RYK: variants seen among roughly 807,000 people sequenced by gnomAD.
RYK encodes the protein inactive tyrosine-protein kinase RYK.
A neutral mutation model predicts 70.2 loss-of-function variants in RYK; 21 were observed. The observed-to-expected ratio is 0.30, with a 90% CI of 0.21 to 0.43. The LOEUF (loss-of-function observed/expected upper bound fraction) is 0.43, where lower values mean the gene tolerates loss of function less well. Ranked by LOEUF, RYK falls within the 20% of genes least tolerant of loss-of-function variation. RYK has a pLI of 1.00. For synonymous variants in RYK, 267 were observed against 278.0 expected (o/e 0.96, Z 0.39); for missense variants, 604 against 753.3 (o/e 0.80, Z 2.32).
At chr3:134,241,746 G>A (rs973706299) in intron 1 of RYK, among the ~76,000 whole-genome samples, 1 of 152,178 alleles carries the variant, frequency 6.6e-6, no homozygotes, top group Non-Finnish European at 1.5e-5. Context: ...CACGCACTTT[G>A]GAGTCACATA....
chr3:134,232,883 T>C (rs2015098665), intron 1 of RYK, among the ~76,000 whole-genome samples: 1 of 152,246 alleles, frequency 6.6e-6, no homozygotes, highest in Non-Finnish European at 1.5e-5. Flanking sequence ...GAATTATAAC[T>C]TTCAGTGAGA....
intron 13 of RYK, 46 bp from the exon 14 acceptor site, chr3:134,159,419 G>T: frequency 6.5e-7 from 1 of 1,528,484 alleles, no homozygotes. Context: ...TAAAACAACA[G>T]TCAGGGGGCT....
intron 1 of RYK, among the ~76,000 whole-genome samples, chr3:134,238,559 G>C (rs928945077): frequency 6.6e-6 from 1 of 152,134 alleles, no homozygotes; most frequent in African/African-American, 2.4e-5. Context: ...GCTTCAAGAA[G>C]ACATGGAAGG....
rs559742048 is a variant in RYK, at chr3:134,175,025, C to T, written c.1575+584G>A. 1.4e-4 allele frequency among the ~76,000 whole-genome samples: 22 copies of T among 152,288 alleles called. No individual in the cohort carries two copies. The South Asian group carries it at 4.4e-3, about 30-fold the overall frequency. ...ACCTTTAAAACTGGGATACCACAGC[C>T]TATCTCCTAGTGTTAATAGTGCTTC... On this transcript the variant is annotated intron_variant, in intron 13 of 14. Transcript: ENST00000623711.
intron 6 of RYK, among the ~76,000 whole-genome samples, chr3:134,199,287 C>T (rs897883341): frequency 6.6e-6 from 1 of 152,258 alleles, no homozygotes; most frequent in Admixed American, 6.5e-5. Flanking sequence ...ACACTACCAT[C>T]CCTTTCTAAT....
At chr3:134,224,833 G>C (rs2014854843) in intron 1 of RYK, among the ~76,000 whole-genome samples, 1 of 152,114 alleles carries the variant, frequency 6.6e-6, no homozygotes, top group African/African-American at 2.4e-5. Flanking sequence ...TGTATGGCCT[G>C]GTTTTTTCTA....
chr3:134,217,873 AAAAT>A (rs1442582431), intron 2 of RYK, among the ~76,000 whole-genome samples: 1 of 152,222 alleles, frequency 6.6e-6, no homozygotes, highest in Admixed American at 6.5e-5. Context: ...ATTAATTTTT[AAAAT>A]AAATAAACGT....
chr3:134,217,397 T>A (rs2014589952), intron 2 of RYK, among the ~76,000 whole-genome samples: 1 of 152,234 alleles, frequency 6.6e-6, no homozygotes, highest in South Asian at 2.1e-4. Flanking sequence ...CCATTTCAGG[T>A]CATCTCTACC....
chr3:134,239,306 T>G (rs552487869), intron 1 of RYK, among the ~76,000 whole-genome samples: 1 of 151,792 alleles, frequency 6.6e-6, no homozygotes, highest in South Asian at 2.1e-4. Flanking sequence ...CAAAAAAAAA[T>G]TTTTATATTA....
rs1273942929 is a variant in RYK at position 134,207,486 on chromosome 3, G to C, written c.629C>G (p.Thr210Ser). The C allele has an allele frequency of 2.6e-6, 4 of 1,540,616 alleles. No individual in the cohort carries two copies. Among genetic ancestry groups the C allele is most frequent in the Admixed American group, 4.0e-5 (2 of 50,336 alleles). Residue 210 changes from threonine (T) to serine (S), a missense_variant, in exon 5 of 15, where the codon ACT becomes AGT. Coordinates refer to ENST00000623711, the MANE Select transcript of RYK (RefSeq NM_002958.4). The stretch of plus-strand genomic sequence containing the variant: ...GTAACACTTACAAATAGTTCTGCTA[G>C]TGTTTTTGTCCAAGGCTGAAGTTTT... ...EVKTSALDKN[T>S]SRTIYDPVHA...
rs376107654 is a variant in RYK, at chr3:134,182,493, C to G, written c.1172+509G>C. Among the ~76,000 whole-genome samples, 10 of 152,066 alleles carry G rather than the reference C, an allele frequency of 6.6e-5. No individual in the cohort carries two copies. In the South Asian group the frequency reaches 1.9e-3, roughly 29 times the overall value. On this transcript the variant is annotated intron_variant, in intron 10 of 14. Coordinates refer to ENST00000623711, the MANE Select transcript of RYK (RefSeq NM_002958.4). ...ATTTATTATAAAATAGTTATATACA[C>G]AAATATATAGATACCTGTATCTAGA...
chr3:134,177,847 A>G lies in RYK; in HGVS notation c.1305+94T>C, dbSNP rs75157965. The G allele has an allele frequency of 4.2e-3, 4,639 of 1,115,372 alleles. 141 individuals carry two copies. In the African/African-American group the frequency reaches 0.063, roughly 15 times the overall value. 69.1% of individuals were successfully genotyped at this position (1,115,372 alleles called of 1,614,324 possible). ...TTGAGGTTCTTTTTTGCAGGCCTCT[A>G]AACAGTTTATATTTAAGAATGTTAA... On this transcript the variant is annotated intron_variant, in intron 11 of 14. Transcript: ENST00000623711.
rs375386252 is a variant in RYK at position 134,222,556 on chromosome 3, A to C, written c.233-17T>G. On this transcript the variant is annotated splice_polypyrimidine_tract_variant and intron_variant, in intron 1 of 14. Coordinates refer to ENST00000623711, the MANE Select transcript of RYK (RefSeq NM_002958.4). ...CATCAAGACCTAGAAAAAAATAGGA[A>C]AAAAATAATTAAACACTTAAAATAT... The C allele has an allele frequency of 1.7e-5, 27 of 1,548,710 alleles. No individual in the cohort carries two copies. Among genetic ancestry groups the C allele is most frequent in the East Asian group, 1.4e-4 (6 of 42,826 alleles).
intron 13 of RYK, among the ~76,000 whole-genome samples, chr3:134,169,204 T>G (rs1377074911): frequency 6.6e-6 from 1 of 152,222 alleles, no homozygotes; most frequent in African/African-American, 2.4e-5. Context: ...AAGAAAATGC[T>G]TCTTAAACAC....
chr3:134,222,689 A>AG (rs1005711953), intron 1 of RYK, 150 bp from the exon 2 acceptor site: 1 of 628,680 alleles, frequency 1.6e-6, no homozygotes, highest in African/African-American at 1.8e-5. Context: ...TTATGAAGCA[A>AG]AAAAGACACG....
At position 134,224,893 on chromosome 3, in the gene RYK, T is replaced by C. The variant is rs143286183; in HGVS notation, c.233-2354A>G. Among the ~76,000 whole-genome samples, 708 of 152,346 alleles carry C rather than the reference T, an allele frequency of 4.6e-3. 1 individual carries two copies. The highest frequency in any genetic ancestry group is 8.3e-3 in the Non-Finnish European group (565 of 68,028). ...ATTATAATATTGGAATAAAGAGTAATGCTACAAACTAATGATTAATCATAT... is the reference window on the plus strand; with the variant it reads ...ATTATAATATTGGAATAAAGAGTAACGCTACAAACTAATGATTAATCATAT... On this transcript the variant is annotated intron_variant, in intron 1 of 14. Transcript: ENST00000623711.
intron 7 of RYK, among the ~76,000 whole-genome samples, chr3:134,193,801 C>T (rs2013725902): frequency 6.6e-6 from 1 of 152,146 alleles, no homozygotes; most frequent in Non-Finnish European, 1.5e-5. Context: ...GTCGGCTACC[C>T]TGGAAAATGT....
intron 7 of RYK, among the ~76,000 whole-genome samples, chr3:134,192,760 A>G (rs1189407031): frequency 6.6e-6 from 1 of 152,214 alleles, no homozygotes; most frequent in Non-Finnish European, 1.5e-5. Flanking sequence ...CTATGCAATG[A>G]TCATCAATGG....
At chr3:134,230,402 A>G (rs1415130437) in intron 1 of RYK, among the ~76,000 whole-genome samples, 1 of 152,190 alleles carries the variant, frequency 6.6e-6, no homozygotes, top group Non-Finnish European at 1.5e-5. Flanking sequence ...CCTTTTATCC[A>G]CAATAGCCAA....
Sources: gnomAD v4.1 joint callset for allele counts (sites outside exome capture counted in the v4.1 genomes callset) on GRCh38, gnomAD v4.1.1 for gene constraint, MANE v1.5 for transcripts, NCBI Gene and HGNC (gene_info 2026-07-23, HGNC 2026-07-21) for gene names.